Variants in ZMYM4 observed in about 807,000 individuals in gnomAD.
ZMYM4 encodes zinc finger MYM-type containing 4, also known as zinc finger MYM-type protein 4.
Under a neutral mutation model 183.2 loss-of-function variants are expected in ZMYM4, and 31 were observed. That is an observed-to-expected ratio of 0.17 (90% CI 0.13 to 0.23). The LOEUF is 0.23. Ranked by LOEUF, ZMYM4 falls within the 10% of genes least tolerant of loss-of-function variation. ZMYM4 has a pLI of 1.00. For synonymous variants in ZMYM4, 592 were observed against 631.2 expected, an observed-to-expected ratio of 0.94 and a Z score of 0.93; for missense variants, 1,273 against 1,840.3, an observed-to-expected ratio of 0.69 and a Z score of 5.64.
intron 15 of ZMYM4, among the ~76,000 whole-genome samples, chr1:35,391,384 T>G (rs1335122875): frequency 1.3e-5 from 2 of 152,182 alleles, no homozygotes; most frequent in African/African-American, 4.8e-5. Flanking sequence ...TGTCAGGACT[T>G]ACTTATCTTA....
rs1644463958 is a variant in ZMYM4 at position 35,381,803 on chromosome 1, A to G, written c.1569+45A>G. On this transcript the variant is annotated intron_variant, in intron 9 of 29. Coordinates refer to ENST00000314607, the MANE Select transcript of ZMYM4 (RefSeq NM_005095.3). ...CTTGATGTCTTTGTTCAGTTCAGGT[A>G]ATCTGTATTTTTAGTCAGAATTATT... is the stretch of plus-strand genomic sequence containing the variant. 5.7e-6 allele frequency: 9 copies of G among 1,590,952 alleles called. No individual in the cohort carries two copies. The East Asian group carries it at 2.0e-4, about 36-fold the overall frequency.
chr1:35,409,978 T>C (rs1312290281), intron 26 of ZMYM4, among the ~76,000 whole-genome samples: 1 of 151,834 alleles, frequency 6.6e-6, no homozygotes, highest in African/African-American at 2.4e-5. Flanking sequence ...AATCATGGCT[T>C]ATGGTTCTGC....
At chr1:35,302,258 G>T (rs1233991217) in intron 1 of ZMYM4, among the ~76,000 whole-genome samples, 1 of 144,270 alleles carries the variant, frequency 6.9e-6, no homozygotes, top group African/African-American at 2.7e-5. Flanking sequence ...CTCAGGCTGG[G>T]GTGCAGTGGC....
At chr1:35,310,262 AC>A in intron 1 of ZMYM4, 1 of 182,488 alleles carries the variant, frequency 5.5e-6, no homozygotes, top group South Asian at 1.0e-4. Flanking sequence ...TGAATGTCTT[AC>A]TTTTATTATG....
chr1:35,392,155 C>A (rs747382863), intron 15 of ZMYM4, 57 bp from the exon 16 acceptor site: 72 of 1,603,220 alleles, frequency 4.5e-5, no homozygotes, highest in Non-Finnish European at 5.4e-5. Context: ...GAAATGGTTT[C>A]TGTGTAAGTA....
intron 7 of ZMYM4, among the ~76,000 whole-genome samples, chr1:35,371,138 C>A (rs936326509): frequency 6.9e-6 from 1 of 144,596 alleles, no homozygotes; most frequent in African/African-American, 2.6e-5. Context: ...TATTTTGAGA[C>A]GGAGTCTCGC....
In ZMYM4 at chr1:35,414,010, T is replaced by C; in HGVS notation, c.3987T>C (p.Thr1329=). The change falls in exon 27 of 30, where the codon ACT becomes ACC. Residue 1329 remains threonine, a synonymous_variant. Coordinates refer to ENST00000314607, the MANE Select transcript of ZMYM4 (RefSeq NM_005095.3). Reference sequence around the variant, plus strand: ...ATGGTAGAATAGATAACATTTTTACTGAGCCCTATTCCAGATTTATGATTG... The same window carrying C: ...ATGGTAGAATAGATAACATTTTTACCGAGCCCTATTCCAGATTTATGATTG... ...FENGRIDNIF[T]EPYSRFMIEL... 2 of 1,590,716 alleles carry C rather than the reference T, an allele frequency of 1.3e-6. No individual in the cohort carries two copies. Among genetic ancestry groups the C allele is most frequent in the African/African-American group, 1.4e-5 (1 of 73,830 alleles).
intron 5 of ZMYM4, among the ~76,000 whole-genome samples, chr1:35,365,080 T>C (rs1284561074): frequency 6.6e-6 from 1 of 152,186 alleles, no homozygotes; most frequent in Non-Finnish European, 1.5e-5. Flanking sequence ...CAGATGCTTT[T>C]ACACGTACTG....
chr1:35,323,855 A>G (rs1000540457), intron 1 of ZMYM4, among the ~76,000 whole-genome samples: 2 of 152,118 alleles, frequency 1.3e-5, no homozygotes, highest in African/African-American at 4.8e-5. Context: ...CACCTGGCCC[A>G]GAGTGACATT....
In ZMYM4 at chr1:35,414,042, C is replaced by A. The variant is rs1236537895; in HGVS notation, c.4019C>A (p.Thr1340Asn). ...TATTCCAGATTTATGATTGAACTTA[C>A]CAAACTCTTGAAAATATGGGAACCT... ...EPYSRFMIEL[T>N]KLLKIWEPTI... Residue 1340 changes from threonine (T) to asparagine (N), a missense_variant, in exon 27 of 30, where the codon ACC becomes AAC. This residue lies in a region of ZMYM4 where 145 missense variants were observed against 331.6 expected (regional missense o/e 0.44). Coordinates refer to ENST00000314607, the MANE Select transcript of ZMYM4 (RefSeq NM_005095.3). The A allele has an allele frequency of 1.9e-6, 3 of 1,592,324 alleles. No homozygotes were observed. The highest frequency in any genetic ancestry group is 2.6e-6 in the Non-Finnish European group (3 of 1,171,298).
intron 1 of ZMYM4, among the ~76,000 whole-genome samples, chr1:35,314,131 G>A (rs1641929821): frequency 6.6e-6 from 1 of 152,104 alleles, no homozygotes; most frequent in Non-Finnish European, 1.5e-5. Context: ...ACTTTAGGAA[G>A]CACTGAAAAT....
Position 35,415,595 on chromosome 1 carries a change from C to T in ZMYM4, c.4190C>T (p.Thr1397Ile). The change falls in exon 28 of 30, where the codon ACT becomes ATT. Residue 1397 changes from threonine to isoleucine, a missense_variant. Transcript: ENST00000314607. ...NTKYFQLKNV[T>I]EHLKLSFAHV... ...AAATACTTCCAACTAAAGAATGTTA[C>T]TGAGCACTTGAAGCTTTCCTTTGCC... The T allele has an allele frequency of 6.2e-7, 1 of 1,614,202 alleles. No homozygotes were observed. Among genetic ancestry groups the T allele is most frequent in the Non-Finnish European group, 8.5e-7 (1 of 1,180,042 alleles).
rs1364631671 is a variant in ZMYM4, at chr1:35,415,853, CAG to C, written c.4309+144_4309+145del. 9.1e-5 allele frequency: 109 copies of C among 1,203,910 alleles called. 1 individual carries two copies. In the East Asian group the frequency reaches 2.5e-3, roughly 28 times the overall value. 74.6% of individuals were successfully genotyped at this position (1,203,910 alleles called of 1,614,324 possible). ...ACATTTGAATATTTTTCTCTATTGT[CAG>C]AGAGTGGTCAAAGGCTGGCCTCAAA... On this transcript the variant is annotated intron_variant, in intron 28 of 29. Coordinates refer to ENST00000314607, the MANE Select transcript of ZMYM4 (RefSeq NM_005095.3).
intron 23 of ZMYM4, among the ~76,000 whole-genome samples, chr1:35,402,494 G>C (rs1021358987): frequency 6.6e-6 from 1 of 152,046 alleles, no homozygotes; most frequent in Non-Finnish European, 1.5e-5. Flanking sequence ...ACGCATGCTG[G>C]TGGTCCCAGC....
chr1:35,343,820 C>T (rs1276461768), intron 2 of ZMYM4, among the ~76,000 whole-genome samples: 7 of 151,066 alleles, frequency 4.6e-5, no homozygotes, highest in African/African-American at 1.5e-4. Context: ...GCTGAGATCA[C>T]GCCACTGCAC....
chr1:35,352,265 G>GCA (rs1553171594), intron 2 of ZMYM4, among the ~76,000 whole-genome samples: 4 of 85,424 alleles, frequency 4.7e-5, no homozygotes, highest in African/African-American at 2.0e-4. Flanking sequence ...GCGCACGCGC[G>GCA]CGCGCACACA....
At chr1:35,293,290 C>G (rs982311002) in intron 1 of ZMYM4, among the ~76,000 whole-genome samples, 6 of 152,032 alleles carry the variant, frequency 3.9e-5, no homozygotes, top group Non-Finnish European at 7.4e-5. Flanking sequence ...CAGGTGTGAA[C>G]CACCATACCA....
intron 1 of ZMYM4, among the ~76,000 whole-genome samples, chr1:35,319,590 TC>T (rs1448120311): frequency 6.6e-6 from 1 of 152,030 alleles, no homozygotes; most frequent in Non-Finnish European, 1.5e-5. Context: ...GTTACTGCAT[TC>T]CAGCCTGGGC....
intron 15 of ZMYM4, among the ~76,000 whole-genome samples, chr1:35,391,070 C>T (rs752874095): frequency 1.1e-4 from 17 of 152,052 alleles, no homozygotes; most frequent in African/African-American, 3.4e-4. Context: ...ATGTCGTGGG[C>T]GTGACTAGTT....
Sources: gnomAD v4.1 joint callset for allele counts (sites outside exome capture counted in the v4.1 genomes callset) on GRCh38, gnomAD v4.1.1 for gene constraint, gnomAD v4.1.1 regional missense constraint, MANE v1.5 for transcripts, NCBI Gene and HGNC (gene_info 2026-07-23, HGNC 2026-07-21) for gene names.